The following THADA variants were observed in gnomAD, a reference collection of about 807,000 sequenced individuals.
THADA encodes tRNA (32-2'-O)-methyltransferase regulator THADA.
A neutral mutation model predicts 219.8 loss-of-function variants in THADA; 213 were observed. The ratio of observed to expected loss-of-function variants is 0.97; its 90% confidence interval spans 0.87 to 1.09. THADA has a LOEUF of 1.09. THADA is among the 50% of genes least tolerant of loss of function. The pLI is 0.00. For missense variants in THADA, 2,956 were observed against 2,311.3 expected, an observed-to-expected ratio of 1.28 and a Z score of -5.72; for synonymous variants, 1,018 against 828.9, an observed-to-expected ratio of 1.23 and a Z score of -3.92.
chr2:43,287,688 C>T (rs908170435), intron 34 of THADA, among the ~76,000 whole-genome samples: 2 of 152,118 alleles, frequency 1.3e-5, no homozygotes, highest in Non-Finnish European at 2.9e-5. Context: ...AAAGACTGTC[C>T]AGCAAATAAC....
chr2:43,541,106 T>G (rs1695237949), intron 21 of THADA, 53 bp downstream of exon 21: 6 of 1,415,896 alleles, frequency 4.2e-6, no homozygotes, highest in South Asian at 3.4e-5. Context: ...AAAAAAAAAG[T>G]GATTTATGCG....
chr2:43,583,539 A>C (rs990086155), intron 7 of THADA, among the ~76,000 whole-genome samples: 2 of 152,252 alleles, frequency 1.3e-5, no homozygotes, highest in African/African-American at 4.8e-5. Flanking sequence ...ATATAGAATT[A>C]TCTTATGATT....
intron 20 of THADA, among the ~76,000 whole-genome samples, chr2:43,548,468 G>C (rs1180029347): frequency 2.0e-5 from 3 of 152,244 alleles, no homozygotes; most frequent in Non-Finnish European, 2.9e-5. Context: ...CCTGCCCCCA[G>C]AGGTGGAGCC....
chr2:43,550,137 G>C (rs1283050277), intron 19 of THADA, among the ~76,000 whole-genome samples: 2 of 152,218 alleles, frequency 1.3e-5, no homozygotes, highest in East Asian at 1.9e-4. Context: ...GCTCACAGCA[G>C]AGGTTCAGGA....
At chr2:43,528,126 CTTTTTTTTTTTT>C (rs367822642) in intron 21 of THADA, 138 bp from the exon 22 acceptor site, 2 of 162,964 alleles carry the variant, frequency 1.2e-5, no homozygotes, top group South Asian at 6.6e-5. Context: ...ATGTTTTAAG[CTTTTTTTTTTTT>C]TTTTTTTTTT....
chr2:43,303,368 G>A (rs1041857151), intron 31 of THADA, among the ~76,000 whole-genome samples: 1 of 152,150 alleles, frequency 6.6e-6, no homozygotes, highest in Non-Finnish European at 1.5e-5. Context: ...CCAAGGGAGA[G>A]TGCTAATTTT....
intron 28 of THADA, among the ~76,000 whole-genome samples, chr2:43,417,867 C>T (rs1025443198): frequency 6.6e-5 from 10 of 152,224 alleles, no homozygotes; most frequent in Non-Finnish European, 1.5e-4. Context: ...CATTCCCCCC[C>T]TCTGTGGAAT....
intron 28 of THADA, among the ~76,000 whole-genome samples, chr2:43,405,975 A>G (rs1283365151): frequency 6.6e-6 from 1 of 152,226 alleles, no homozygotes; most frequent in Non-Finnish European, 1.5e-5. Context: ...AAGCCTCAGA[A>G]AAGCATGCTT....
intron 28 of THADA, among the ~76,000 whole-genome samples, chr2:43,409,600 A>G (rs772513587): frequency 1.3e-5 from 2 of 152,184 alleles, no homozygotes; most frequent in African/African-American, 2.4e-5. Flanking sequence ...CAAAAAAAAT[A>G]CTTCCTTATA....
chr2:43,265,963 ACACACACACAC>A (rs1377161574), intron 36 of THADA, among the ~76,000 whole-genome samples: 61 of 134,170 alleles, frequency 4.5e-4, no homozygotes, highest in Admixed American at 1.7e-3. Flanking sequence ...ACACACACAC[ACACACACACAC>A]ACACACACAC....
At chr2:43,514,487 A>G (rs1314244955) in intron 22 of THADA, among the ~76,000 whole-genome samples, 1 of 140,032 alleles carries the variant, frequency 7.1e-6, no homozygotes, top group African/African-American at 2.6e-5. Flanking sequence ...TATATAATAT[A>G]CATAATATAT....
At chr2:43,277,818 C>T (rs181235301) in intron 36 of THADA, among the ~76,000 whole-genome samples, 114 of 152,278 alleles carry the variant, frequency 7.5e-4, no homozygotes, top group African/African-American at 2.5e-3. Context: ...AAGATTCAAT[C>T]GTAATTAACT....
intron 10 of THADA, 37 bp from the exon 11 acceptor site, chr2:43,575,064 TG>T: frequency 7.1e-7 from 1 of 1,416,052 alleles, no homozygotes; most frequent in Non-Finnish European, 9.5e-7. Context: ...TATTGTAAAC[TG>T]ATTAGTAAAA....
At chr2:43,373,326 CT>C in intron 29 of THADA, among the ~76,000 whole-genome samples, 1 of 152,242 alleles carries the variant, frequency 6.6e-6, no homozygotes, top group South Asian at 2.1e-4. Context: ...AAACTGTCAA[CT>C]TTAAAAGACT....
chr2:43,237,094 G>A (rs1572716242), intron 36 of THADA, among the ~76,000 whole-genome samples: 2 of 144,172 alleles, frequency 1.4e-5, no homozygotes, highest in Non-Finnish European at 1.5e-5. Flanking sequence ...AAAAAAACCA[G>A]GGAATAAAGA....
intron 31 of THADA, among the ~76,000 whole-genome samples, chr2:43,314,501 CAG>C (rs1461901797): frequency 6.6e-6 from 1 of 152,134 alleles, no homozygotes; most frequent in East Asian, 1.9e-4. Flanking sequence ...ATAAGAGAAA[CAG>C]AAAGTCCATC....
intron 26 of THADA, among the ~76,000 whole-genome samples, chr2:43,436,048 A>G (rs1268794694): frequency 1.3e-5 from 2 of 152,188 alleles, no homozygotes; most frequent in African/African-American, 2.4e-5. Context: ...AAATCATAAG[A>G]TAATGACTAC....
chr2:43,292,375 C>G (rs1358778158), intron 32 of THADA, among the ~76,000 whole-genome samples, 153 bp from the exon 33 acceptor site: 1 of 152,194 alleles, frequency 6.6e-6, no homozygotes, highest in Non-Finnish European at 1.5e-5. Flanking sequence ...CTTTGGGAGA[C>G]TGAGGCAGAG....
intron 29 of THADA, among the ~76,000 whole-genome samples, chr2:43,365,906 C>A (rs1670090221): frequency 6.6e-6 from 1 of 152,006 alleles, no homozygotes; most frequent in Non-Finnish European, 1.5e-5. Context: ...ATGAGGGGTG[C>A]AAGGGAGATA....
Sources: gnomAD v4.1 joint callset for allele counts (sites outside exome capture counted in the v4.1 genomes callset) on GRCh38, gnomAD v4.1.1 for gene constraint, MANE v1.5 for transcripts, NCBI Gene and HGNC (gene_info 2026-07-23, HGNC 2026-07-21) for gene names.